Variants in ATP6V1B2 observed in about 807,000 individuals in gnomAD.
ATP6V1B2 encodes V-type proton ATPase subunit B, brain isoform.
Under a neutral mutation model 66.7 loss-of-function variants are expected in ATP6V1B2, and 23 were observed. The observed-to-expected ratio is 0.34, with a 90% CI of 0.25 to 0.49. ATP6V1B2 has a LOEUF of 0.49. Among genes scored for constraint, ATP6V1B2 ranks in the 20% least tolerant of loss-of-function variants. The pLI, the probability that ATP6V1B2 is intolerant of heterozygous loss-of-function variation, is 0.99. For missense variants in ATP6V1B2, 478 were observed against 650.8 expected, an observed-to-expected ratio of 0.73 and a Z score of 2.89; for synonymous variants, 278 against 236.7, an observed-to-expected ratio of 1.17 and a Z score of -1.60.
chr8:20,220,063 C>T (rs986855963), intron 13 of ATP6V1B2, among the ~76,000 whole-genome samples, 200 bp from the exon 14 acceptor site: 1 of 152,150 alleles, frequency 6.6e-6, no homozygotes, highest in Non-Finnish European at 1.5e-5. Context: ...CCAGCCGCCT[C>T]TTCCCTCTTC....
intron 7 of ATP6V1B2, 38 bp from the exon 8 acceptor site, chr8:20,212,064 T>C: frequency 6.4e-7 from 1 of 1,559,802 alleles, no homozygotes. Context: ...GTTAAGGATT[T>C]TTCTTCTCCC....
chr8:20,214,675 T>C (rs2072832936), intron 9 of ATP6V1B2, 143 bp from the exon 10 acceptor site: 2 of 929,316 alleles, frequency 2.2e-6, no homozygotes, highest in South Asian at 9.1e-5. Context: ...CGGGAGATTT[T>C]TCTAAATCAT....
chr8:20,210,834 A>C (rs1021500222), intron 5 of ATP6V1B2, among the ~76,000 whole-genome samples, 188 bp downstream of exon 5: 1 of 152,124 alleles, frequency 6.6e-6, no homozygotes, highest in Non-Finnish European at 1.5e-5. Context: ...TTATGTATTA[A>C]TATCTTAAGA....
At chr8:20,207,878 G>C (rs1188355072) in intron 2 of ATP6V1B2, among the ~76,000 whole-genome samples, 3 of 152,116 alleles carry the variant, frequency 2.0e-5, no homozygotes, top group African/African-American at 7.2e-5. Context: ...TGATAAGTAA[G>C]AAAAGGATAT....
chr8:20,204,506 C>G lies in ATP6V1B2; in HGVS notation c.159C>G (p.Val53=), dbSNP rs776556396. The G allele has an allele frequency of 6.2e-6, 10 of 1,612,792 alleles. No homozygotes were observed. Among genetic ancestry groups the G allele is most frequent in the African/African-American group, 1.3e-5 (1 of 74,870 alleles). The change falls in exon 2 of 14, where the codon GTC becomes GTG. Residue 53 remains valine, a synonymous_variant. Transcript: ENST00000276390. ...CAGCATACAAGACAGTATCTGGAGT[C>G]AATGGTCCACTAGTGATCTTAGATC... The part of the protein sequence containing the change: ...PRLTYKTVSG[V]NGPLVILDHV...
intron 11 of ATP6V1B2, chr8:20,216,986 A>G (rs371735936): frequency 8.1e-6 from 4 of 494,342 alleles, no homozygotes; most frequent in South Asian, 2.5e-5. Flanking sequence ...AGTCTTGTAC[A>G]GTGTTATAGA....
chr8:20,200,813 C>A (rs2128884476), intron 1 of ATP6V1B2, among the ~76,000 whole-genome samples: 1 of 152,286 alleles, frequency 6.6e-6, no homozygotes. Context: ...TTTCCTAGAA[C>A]CTCTTCTTCA....
At position 20,218,213 on chromosome 8, in the gene ATP6V1B2, G is replaced by A. The variant is rs1407340485; in HGVS notation, c.1327G>A (p.Ala443Thr). Residue 443 changes from alanine (A) to threonine (T), a missense_variant, in exon 13 of 14, where the codon GCC becomes ACC. Transcript: ENST00000276390. ...CATGAAAGCTGTCGTTGGAGAAGAA[G>A]CCCTTACCTCAGATGATCTTCTCTA... ...QAMKAVVGEE[A>T]LTSDDLLYLE... 3 of 1,613,342 alleles carry A rather than the reference G, an allele frequency of 1.9e-6. No individual in the cohort carries two copies. The highest frequency in any genetic ancestry group is 2.5e-6 in the Non-Finnish European group (3 of 1,179,526).
intron 2 of ATP6V1B2, among the ~76,000 whole-genome samples, chr8:20,209,001 G>A (rs934958831): frequency 3.2e-4 from 49 of 152,018 alleles, no homozygotes; most frequent in Admixed American, 5.2e-4. Flanking sequence ...GAGCCACCGC[G>A]CCTAGCCTAT....
intron 1 of ATP6V1B2, among the ~76,000 whole-genome samples, chr8:20,199,696 C>T (rs745713271): frequency 3.3e-5 from 5 of 150,570 alleles, no homozygotes; most frequent in Admixed American, 1.3e-4. Context: ...CTGCAACCTC[C>T]GCCTTCCAGA....
At chr8:20,198,090 G>A (rs10093929) in intron 1 of ATP6V1B2, among the ~76,000 whole-genome samples, 108,243 of 152,068 alleles carry the variant, frequency 0.71, 38,771 homozygotes, top group Admixed American at 0.77. Context: ...GGGCTGCTCC[G>A]CAGAAGGACA....
chr8:20,203,951 C>T (rs1292005156), intron 1 of ATP6V1B2: 2 of 454,816 alleles, frequency 4.4e-6, no homozygotes, highest in African/African-American at 2.0e-5. Context: ...TGGCTTTTTA[C>T]CTTGCAGGCT....
At chr8:20,207,425 G>C (rs2072750165) in intron 2 of ATP6V1B2, among the ~76,000 whole-genome samples, 1 of 152,096 alleles carries the variant, frequency 6.6e-6, no homozygotes, top group South Asian at 2.1e-4. Context: ...ATGAATTAAA[G>C]ATCTAAATAT....
intron 10 of ATP6V1B2, 95 bp downstream of exon 10, chr8:20,215,063 A>C: frequency 7.6e-7 from 1 of 1,321,886 alleles, no homozygotes; most frequent in Non-Finnish European, 1.0e-6. Context: ...TTGAGAACAC[A>C]TCCCCTAAGA....
chr8:20,218,268 ACTT>A lies in ATP6V1B2; in HGVS notation c.1384_1386del (p.Phe462del). The A allele has an allele frequency of 6.2e-7, 1 of 1,613,260 alleles. No individual in the cohort carries two copies. Among genetic ancestry groups the A allele is most frequent in the Non-Finnish European group, 8.5e-7 (1 of 1,179,380 alleles). ...GAATTTCTGCAGAAGTTTGAGAGGA[ACTT>A]CATTGCTCAGGGTAAGATGACTGTT... On this transcript the variant is annotated inframe_deletion, in exon 13 of 14. Transcript: ENST00000276390.
chr8:20,211,705 A>T lies in ATP6V1B2; in HGVS notation c.657A>T (p.Val219=), dbSNP rs139800942. Residue 219 remains valine, a synonymous_variant, in exon 7 of 14, where the codon GTA becomes GTT. Transcript: ENST00000276390. ...QAGLVKKSKD[V]VDYSEENFAI... ...GTTTGGTAAAGAAATCCAAAGATGT[A>T]GTAGACTACAGTGAGGAAAATTTTG... is the stretch of plus-strand genomic sequence containing the variant. 3.1e-6 allele frequency: 5 copies of T among 1,612,642 alleles called. No individual in the cohort carries two copies. The highest frequency in any genetic ancestry group is 4.2e-6 in the Non-Finnish European group (5 of 1,179,538).
At chr8:20,208,339 C>G (rs1421024756) in intron 2 of ATP6V1B2, among the ~76,000 whole-genome samples, 1 of 152,204 alleles carries the variant, frequency 6.6e-6, no homozygotes, top group East Asian at 1.9e-4. Flanking sequence ...TATATCTGCT[C>G]TGTTTTAACA....
At chr8:20,200,381 G>C (rs547359698) in intron 1 of ATP6V1B2, among the ~76,000 whole-genome samples, 1 of 152,236 alleles carries the variant, frequency 6.6e-6, no homozygotes, top group East Asian at 1.9e-4. Flanking sequence ...GCCTAGCACA[G>C]TGCCTGACAC....
intron 3 of ATP6V1B2, among the ~76,000 whole-genome samples, chr8:20,209,744 T>C (rs1377256397): frequency 6.6e-6 from 1 of 152,208 alleles, no homozygotes; most frequent in African/African-American, 2.4e-5. Flanking sequence ...TTAAAATGGA[T>C]AAAATTAAGT....
Sources: allele counts gnomAD v4.1 joint callset (sites outside exome capture counted in the v4.1 genomes callset), GRCh38; gene constraint gnomAD v4.1.1; transcripts MANE v1.5; gene names NCBI Gene and HGNC (gene_info 2026-07-23, HGNC 2026-07-21).